The following DYRK4 variants were observed in gnomAD, a reference collection of about 807,000 sequenced individuals.
DYRK4 encodes the protein dual specificity tyrosine phosphorylation regulated kinase 4.
In DYRK4, 64 loss-of-function variants were observed where a neutral mutation model predicts 68.3. The observed-to-expected ratio is 0.94, with a 90% CI of 0.77 to 1.15. DYRK4 has a LOEUF of 1.15. Among genes scored for constraint, DYRK4 ranks in the 50% most tolerant of loss-of-function variants. The probability of loss-of-function intolerance (pLI) is 0.00; values close to 1 mark genes in which losing one functional copy is unlikely to be tolerated. For synonymous variants in DYRK4, 274 were observed against 289.9 expected, an observed-to-expected ratio of 0.95 and a Z score of 0.56; for missense variants, 740 against 764.7, an observed-to-expected ratio of 0.97 and a Z score of 0.38.
chr12:4,599,766 A>T lies in DYRK4; in HGVS notation c.1104A>T (p.Ser368=), dbSNP rs751690150. The T allele has an allele frequency of 7.4e-5, 120 of 1,614,140 alleles. No individual in the cohort carries two copies. Among genetic ancestry groups the T allele is most frequent in the Non-Finnish European group, 9.2e-5 (108 of 1,179,996 alleles). Residue 368 remains serine (S), a synonymous_variant, in exon 10 of 15, where the codon TCA becomes TCT. Transcript: ENST00000543431. Reference sequence around the variant, plus strand: ...CTGTTAAAGTCATTGACTTTGGATCAAGCTGTTATGAACACCAGAAAGGTG... The same window carrying T: ...CTGTTAAAGTCATTGACTTTGGATCTAGCTGTTATGAACACCAGAAAGGTG... ...QASVKVIDFG[S]SCYEHQKVYT... is the part of the protein sequence containing the mutation.
chr12:4,596,027 G>A (rs1945013751), intron 6 of DYRK4, 122 bp from the exon 7 acceptor site: 14 of 1,051,218 alleles, frequency 1.3e-5, no homozygotes, highest in Non-Finnish European at 1.8e-5. Flanking sequence ...CAAGTGCCCA[G>A]TGTAGTTAGA....
At position 4,596,241 on chromosome 12, in the gene DYRK4, A is replaced by C. The variant is rs1372051549; in HGVS notation, c.720A>C (p.Lys240Asn). 3 of 1,614,194 alleles carry C rather than the reference A, an allele frequency of 1.9e-6. No homozygotes were observed. The highest frequency in any genetic ancestry group is 2.5e-6 in the Non-Finnish European group (3 of 1,180,038). The change falls in exon 7 of 15, where the codon AAA (lysine) becomes AAC (asparagine). Residue 240 changes from lysine (K) to asparagine (N), a missense_variant. By Grantham distance (94) the Lys-to-Asn change is moderately conservative. Coordinates refer to ENST00000543431, the MANE Select transcript of DYRK4 (RefSeq NM_001394779.1). ...FGQVAKCLDH[K>N]NNELVALKII... The stretch of plus-strand genomic sequence containing the variant: ...AGGTGGCCAAGTGCTTGGATCACAA[A>C]AACAATGAGCTGGTGGCCCTGAAAA...
chr12:4,574,886 T>C (rs1316430736), intron 2 of DYRK4, among the ~76,000 whole-genome samples: 1 of 152,110 alleles, frequency 6.6e-6, no homozygotes, highest in East Asian at 1.9e-4. Context: ...CCCAACTAAT[T>C]TGTGTATTTT....
chr12:4,600,845 T>A (rs1945073165), intron 10 of DYRK4, among the ~76,000 whole-genome samples: 1 of 149,420 alleles, frequency 6.7e-6, no homozygotes, highest in Admixed American at 6.6e-5. Context: ...TAACTCAATC[T>A]CTAGCCCCTT....
At chr12:4,601,250 C>T (rs1198022169) in intron 10 of DYRK4, among the ~76,000 whole-genome samples, 1 of 152,198 alleles carries the variant, frequency 6.6e-6, no homozygotes, top group Non-Finnish European at 1.5e-5. Flanking sequence ...TTCACTCTCA[C>T]ACACTGTTGG....
chr12:4,605,728 G>GTTTTTT (rs780888385), intron 11 of DYRK4, among the ~76,000 whole-genome samples: 15 of 68,888 alleles, frequency 2.2e-4, no homozygotes, highest in Admixed American at 6.1e-4. Context: ...AATAGAGCTG[G>GTTTTTT]GTTTTTTTTT....
chr12:4,576,079 C>T (rs867259518), intron 2 of DYRK4, among the ~76,000 whole-genome samples: 25 of 152,150 alleles, frequency 1.6e-4, no homozygotes, highest in Admixed American at 7.9e-4. Context: ...GTTGTACATT[C>T]TAGGAGTCTG....
chr12:4,567,643 ATAT>A (rs2137317860), intron 1 of DYRK4, among the ~76,000 whole-genome samples: 1 of 152,254 alleles, frequency 6.6e-6, no homozygotes, highest in South Asian at 2.1e-4. Context: ...CTGTAAGGGG[ATAT>A]TATGTTTGTG....
intron 6 of DYRK4, among the ~76,000 whole-genome samples, chr12:4,595,739 C>T (rs1945010134): frequency 6.6e-6 from 1 of 152,188 alleles, no homozygotes; most frequent in Non-Finnish European, 1.5e-5. Context: ...TGCTTAACTT[C>T]AAGACTCATA....
intron 12 of DYRK4, 130 bp downstream of exon 12, chr12:4,607,517 A>G (rs746582847): frequency 2.2e-5 from 22 of 994,164 alleles, no homozygotes; most frequent in Non-Finnish European, 3.0e-5. Flanking sequence ...TCAGAGAAGT[A>G]AAAGATAATG....
Position 4,562,271 on chromosome 12 carries a change from G to A in DYRK4, c.26G>A (p.Arg9His). MQLLPPPI[R>H]TGTKTQMDAK... ...ATGCAGCTCCTCCCGCCGCCTATCC[G>A]CACCGGAACAAAGTAAGGGCCGCGG... Residue 9 changes from arginine to histidine, a missense_variant, in exon 1 of 15, where the codon CGC becomes CAC. By Grantham distance (29) the Arg-to-His change is conservative. This residue lies in a region of DYRK4 where 70 missense variants were observed against 71.1 expected (regional missense o/e 0.98). Coordinates refer to ENST00000543431, the MANE Select transcript of DYRK4 (RefSeq NM_001394779.1). 6.5e-7 allele frequency: 1 copy of A among 1,532,236 alleles called. No individual in the cohort carries two copies. The highest frequency in any genetic ancestry group is 8.7e-7 in the Non-Finnish European group (1 of 1,145,278). 94.9% of individuals were successfully genotyped at this position (1,532,236 alleles called of 1,614,324 possible).
intron 1 of DYRK4, 88 bp downstream of exon 1, chr12:4,562,371 G>A: frequency 6.9e-7 from 1 of 1,459,764 alleles, no homozygotes; most frequent in Non-Finnish European, 9.1e-7. Context: ...GGGTCGTGGG[G>A]GGAGAATGAA....
rs1164245817 is a variant in DYRK4 at position 4,592,663 on chromosome 12, T to C, written c.464-339T>C. 1.7e-5 allele frequency: 3 copies of C among 179,082 alleles called. No homozygotes were observed. In the East Asian group the frequency reaches 4.6e-4, roughly 28 times the overall value. The allele number at this position is 179,082 out of a possible 1,614,324, so 11.1% of individuals were successfully genotyped here. A position where few individuals can be genotyped will look rare whatever the true frequency, so the allele number is the denominator to read the frequency against. On this transcript the variant is annotated intron_variant, in intron 5 of 14. Coordinates refer to ENST00000543431, the MANE Select transcript of DYRK4 (RefSeq NM_001394779.1). ...ATTATAGCTTAATTCCACGTTAACT[T>C]GGGCAACTTGCCACCTAAACTATAT...
intron 2 of DYRK4, among the ~76,000 whole-genome samples, chr12:4,586,735 C>CAGAT (rs71061194): frequency 0.36 from 54,006 of 151,388 alleles, 11,067 homozygotes; most frequent in Middle Eastern, 0.47. Flanking sequence ...CACACACAGA[C>CAGAT]ACACACACAC....
At chr12:4,596,951 C>G in intron 8 of DYRK4, 1 of 1,399,000 alleles carries the variant, frequency 7.1e-7, no homozygotes, top group Non-Finnish European at 9.2e-7. Context: ...GATGTACTTC[C>G]CTGGTGCTGG....
At chr12:4,565,010 G>A (rs909058243) in intron 1 of DYRK4, among the ~76,000 whole-genome samples, 9 of 152,190 alleles carry the variant, frequency 5.9e-5, no homozygotes, top group African/African-American at 2.2e-4. Context: ...ACTCCGATCT[G>A]CATGTAAGAT....
intron 2 of DYRK4, among the ~76,000 whole-genome samples, chr12:4,570,040 AAATAATAATAAT>A (rs58464815): frequency 0.44 from 61,490 of 140,994 alleles, 13,717 homozygotes; most frequent in Middle Eastern, 0.54. Context: ...CTGTCGCTAT[AAATAATAATAAT>A]AATAATAATA....
rs1247914537 is a variant in DYRK4, at chr12:4,562,295, G to A, written c.38+12G>A. ...CGCACCGGAACAAAGTAAGGGCCGCGGAGGCTCGTACTTCACGAGCAGTCA... is the reference window on the plus strand; with the variant it reads ...CGCACCGGAACAAAGTAAGGGCCGCAGAGGCTCGTACTTCACGAGCAGTCA... On this transcript the variant is annotated intron_variant, in intron 1 of 14. Transcript: ENST00000543431. 3.9e-6 allele frequency: 6 copies of A among 1,531,750 alleles called. No individual in the cohort carries two copies. Among genetic ancestry groups the A allele is most frequent in the Admixed American group, 2.0e-5 (1 of 50,538 alleles). The allele number at this position is 1,531,750 out of a possible 1,614,324, so 94.9% of individuals were successfully genotyped here.
intron 10 of DYRK4, 60 bp downstream of exon 10, chr12:4,599,848 A>G (rs1945061772): frequency 7.0e-6 from 10 of 1,434,184 alleles, no homozygotes; most frequent in Middle Eastern, 1.8e-4. Context: ...CTCCCTTCAC[A>G]TACAAGGTCA....
Sources: allele counts gnomAD v4.1 joint callset (sites outside exome capture counted in the v4.1 genomes callset), GRCh38; gene constraint gnomAD v4.1.1; regional missense constraint gnomAD v4.1.1; transcripts MANE v1.5; gene names NCBI Gene and HGNC (gene_info 2026-07-23, HGNC 2026-07-21).